Variants in EBF1 observed in about 807,000 individuals in gnomAD.
The protein encoded by EBF1 is EBF transcription factor 1.
In EBF1, 10 loss-of-function variants were observed where a neutral mutation model predicts 68.4. That is an observed-to-expected ratio of 0.15 (90% CI 0.09 to 0.25). The LOEUF (loss-of-function observed/expected upper bound fraction) is 0.25. EBF1 is among the 10% of genes least tolerant of loss of function. The pLI, the probability that EBF1 is intolerant of heterozygous loss-of-function variation, is 1.00. For synonymous variants in EBF1, 298 were observed against 299.8 expected, an observed-to-expected ratio of 0.99 and a Z score of 0.06; for missense variants, 509 against 794.4, an observed-to-expected ratio of 0.64 and a Z score of 4.32.
intron 11 of EBF1, among the ~76,000 whole-genome samples, chr5:158,724,677 AGTGCCTGT>A (rs1561747584): frequency 6.6e-6 from 1 of 152,218 alleles, no homozygotes; most frequent in African/African-American, 2.4e-5. Context: ...GAGCAAAAAC[AGTGCCTGT>A]GACTGGAGTC....
In EBF1 at chr5:158,839,944, C is replaced by G. The variant is rs1789804139; in HGVS notation, c.636+85G>C. ...TGCTCTTCACCTCTGGGAAAAAAAG[C>G]TACGTATCTTCTGCCTAAGACTTTT... On this transcript the variant is annotated intron_variant, in intron 7 of 15. Coordinates refer to ENST00000313708, the MANE Select transcript of EBF1 (RefSeq NM_024007.5). 2.2e-6 allele frequency: 3 copies of G among 1,342,974 alleles called. No individual in the cohort carries two copies. The East Asian group carries it at 6.9e-5, about 31-fold the overall frequency. The allele number at this position is 1,342,974 out of a possible 1,614,324, so 83.2% of individuals were successfully genotyped here.
chr5:158,798,222 G>A (rs1779925394), intron 8 of EBF1, among the ~76,000 whole-genome samples: 1 of 152,138 alleles, frequency 6.6e-6, no homozygotes, highest in African/African-American at 2.4e-5. Flanking sequence ...AAGGTGTTAT[G>A]ATATCCCTAG....
At chr5:158,819,158 C>T (rs1176929767) in intron 8 of EBF1, among the ~76,000 whole-genome samples, 1 of 152,112 alleles carries the variant, frequency 6.6e-6, no homozygotes, top group Non-Finnish European at 1.5e-5. Flanking sequence ...ACATATATCC[C>T]CTTTAAAAAA....
chr5:158,976,492 T>C (rs1185224794), intron 6 of EBF1, among the ~76,000 whole-genome samples: 1 of 140,460 alleles, frequency 7.1e-6, no homozygotes, highest in African/African-American at 2.7e-5. Flanking sequence ...AAAAAGATGG[T>C]AGTGTTTTTA....
At chr5:158,773,764 C>G (rs1247826313) in intron 10 of EBF1, among the ~76,000 whole-genome samples, 1 of 152,046 alleles carries the variant, frequency 6.6e-6, no homozygotes, top group Admixed American at 6.6e-5. Flanking sequence ...TATTAGCTTC[C>G]AAGGCTACTT....
At chr5:158,805,476 C>T (rs971698491) in intron 8 of EBF1, among the ~76,000 whole-genome samples, 2 of 152,086 alleles carry the variant, frequency 1.3e-5, no homozygotes, top group Non-Finnish European at 2.9e-5. Context: ...TTTTAGCCTC[C>T]TTATGTCTGG....
intron 9 of EBF1, 80 bp from the exon 10 acceptor site, chr5:158,777,619 A>C (rs1484421497): frequency 7.0e-7 from 1 of 1,423,854 alleles, no homozygotes; most frequent in Non-Finnish European, 9.4e-7. Flanking sequence ...CTCCATAAAC[A>C]AAGCTTTAAA....
chr5:159,097,824 A>C (rs556893782), intron 1 of EBF1, among the ~76,000 whole-genome samples: 1 of 152,186 alleles, frequency 6.6e-6, no homozygotes, highest in Non-Finnish European at 1.5e-5. Flanking sequence ...GAAATCCTAA[A>C]GGCCAGGGCT....
chr5:159,098,314 C>T (rs1562014793), intron 1 of EBF1, among the ~76,000 whole-genome samples: 1 of 152,212 alleles, frequency 6.6e-6, no homozygotes, highest in African/African-American at 2.4e-5. Context: ...CCAGGCCACA[C>T]AGTCTAGTGT....
intron 6 of EBF1, among the ~76,000 whole-genome samples, chr5:158,940,855 GA>G (rs1813190462): frequency 3.5e-5 from 5 of 144,266 alleles, no homozygotes; most frequent in Middle Eastern, 3.7e-3. Flanking sequence ...ACTATCTCTG[GA>G]ATAAAACCAC....
At chr5:158,805,377 C>A (rs1781388226) in intron 8 of EBF1, among the ~76,000 whole-genome samples, 1 of 152,094 alleles carries the variant, frequency 6.6e-6, no homozygotes, top group Non-Finnish European at 1.5e-5. Flanking sequence ...GATGGCCATA[C>A]AGGAATCGGC....
At chr5:159,031,089 G>A (rs1041513604) in intron 6 of EBF1, among the ~76,000 whole-genome samples, 5 of 142,180 alleles carry the variant, frequency 3.5e-5, no homozygotes, top group South Asian at 2.2e-4. Flanking sequence ...CAGGAGAATC[G>A]CTTGAACCCG....
intron 6 of EBF1, among the ~76,000 whole-genome samples, chr5:158,945,627 G>A (rs907195639): frequency 1.1e-4 from 16 of 152,254 alleles, no homozygotes; most frequent in Admixed American, 2.6e-4. Context: ...TTTCAACCTT[G>A]GTGAATCTGA....
Position 158,768,553 on chromosome 5 carries a change from T to C in EBF1, c.1036+8860A>G, listed in dbSNP as rs149753459. On this transcript the variant is annotated intron_variant, in intron 10 of 15. Transcript: ENST00000313708. ...TCAATATTATTTTAATTATGTTTTA[T>C]TGGTGCTTCCTAAATGATCTGAAAT... Among the ~76,000 whole-genome samples, 63 of 152,268 alleles carry C rather than the reference T, an allele frequency of 4.1e-4. No homozygotes were observed. The East Asian group carries it at 0.011, about 28-fold the overall frequency.
chr5:159,006,687 C>A (rs1261967024), intron 6 of EBF1, among the ~76,000 whole-genome samples: 1 of 103,354 alleles, frequency 9.7e-6, no homozygotes, highest in Non-Finnish European at 1.9e-5. Flanking sequence ...GCCTGGGAAT[C>A]TCTTGGGTTC....
chr5:158,752,607 C>T (rs1410012487), intron 10 of EBF1, among the ~76,000 whole-genome samples: 1 of 152,078 alleles, frequency 6.6e-6, no homozygotes, highest in African/African-American at 2.4e-5. Context: ...CATTTCGTTA[C>T]TGAGTGAGGG....
intron 15 of EBF1, among the ~76,000 whole-genome samples, chr5:158,705,947 T>C (rs1465036175): frequency 6.6e-6 from 1 of 152,242 alleles, no homozygotes; most frequent in Non-Finnish European, 1.5e-5. Context: ...AGGGCTGAGA[T>C]TGGCAGCTCA....
chr5:158,887,047 A>C (rs1000846607), intron 6 of EBF1, among the ~76,000 whole-genome samples: 2 of 152,198 alleles, frequency 1.3e-5, no homozygotes, highest in Non-Finnish European at 2.9e-5. Flanking sequence ...GACACCACAG[A>C]TGTAGAAACC....
At chr5:158,863,197 C>T (rs1446472998) in intron 6 of EBF1, among the ~76,000 whole-genome samples, 1 of 152,102 alleles carries the variant, frequency 6.6e-6, no homozygotes, top group Non-Finnish European at 1.5e-5. Flanking sequence ...TCTTAAGCCT[C>T]CCCCCATGTA....
Sources: allele counts gnomAD v4.1 joint callset (sites outside exome capture counted in the v4.1 genomes callset), GRCh38; gene constraint gnomAD v4.1.1; transcripts MANE v1.5; gene names NCBI Gene and HGNC (gene_info 2026-07-23, HGNC 2026-07-21).